The following VWDE variants were observed in gnomAD, a reference collection of about 807,000 sequenced individuals.
The protein encoded by VWDE is von Willebrand factor D and EGF domains.
In VWDE, 207 loss-of-function variants were observed where a neutral mutation model predicts 178.4. The ratio of observed to expected loss-of-function variants is 1.16; its 90% CI spans 1.04 to 1.30. VWDE has a LOEUF of 1.30. Ranked by LOEUF, VWDE falls within the 50% of genes most tolerant of loss-of-function variation. The pLI, the probability that VWDE is intolerant of heterozygous loss-of-function variation, is 0.00. For missense variants in VWDE, 2,287 were observed against 1,901.3 expected (o/e 1.20, Z -3.77); for synonymous variants, 738 against 651.4 (o/e 1.13, Z -2.02).
intron 24 of VWDE, among the ~76,000 whole-genome samples, chr7:12,338,887 A>G (rs1781178783): frequency 1.3e-5 from 2 of 152,174 alleles, no homozygotes; most frequent in Non-Finnish European, 2.9e-5. Flanking sequence ...TTCCTCTTTT[A>G]AAATTCTATA....
At chr7:12,399,776 G>A (rs1047479914) in intron 1 of VWDE, among the ~76,000 whole-genome samples, 8 of 151,932 alleles carry the variant, frequency 5.3e-5, no homozygotes, top group East Asian at 1.9e-4. Flanking sequence ...AAGCCCAGGA[G>A]TTCAAATCCA....
chr7:12,388,879 T>C, intron 3 of VWDE: 1 of 660,640 alleles, frequency 1.5e-6, no homozygotes, highest in Non-Finnish European at 2.9e-6. Flanking sequence ...ACTCAATCAT[T>C]ATGTCCAGTG....
chr7:12,334,931 T>C (rs943102323), intron 27 of VWDE, among the ~76,000 whole-genome samples: 10 of 152,178 alleles, frequency 6.6e-5, no homozygotes, highest in Admixed American at 2.0e-4. Flanking sequence ...TGAGCATACA[T>C]ATCTTATGTA....
chr7:12,360,896 G>A (rs1782539569), intron 15 of VWDE, among the ~76,000 whole-genome samples: 1 of 152,162 alleles, frequency 6.6e-6, no homozygotes, highest in African/African-American at 2.4e-5. Flanking sequence ...GAGTGAAGTA[G>A]TAAATAATTT....
chr7:12,341,372 G>A (rs574415337), intron 23 of VWDE, among the ~76,000 whole-genome samples: 1 of 152,134 alleles, frequency 6.6e-6, no homozygotes, highest in Non-Finnish European at 1.5e-5. Flanking sequence ...AGTGGCTCAC[G>A]CTTGTAATCC....
intron 19 of VWDE, among the ~76,000 whole-genome samples, chr7:12,345,173 T>C (rs959073774): frequency 3.9e-5 from 6 of 152,098 alleles, no homozygotes; most frequent in African/African-American, 1.4e-4. Flanking sequence ...TAATACTCTA[T>C]AATATTAACA....
intron 4 of VWDE, among the ~76,000 whole-genome samples, chr7:12,381,668 C>T (rs1457804395): frequency 4.6e-5 from 7 of 151,788 alleles, no homozygotes. Flanking sequence ...TTTTGCTAAG[C>T]ATTTTAAACA....
chr7:12,380,828 T>C, intron 4 of VWDE, 95 bp from the exon 5 acceptor site: 2 of 1,392,240 alleles, frequency 1.4e-6, no homozygotes, highest in Non-Finnish European at 1.9e-6. Flanking sequence ...CTGTGGTTTA[T>C]CTTAAGAAAA....
In VWDE at chr7:12,375,022, T is replaced by C. The variant is rs757735871; in HGVS notation, c.1230A>G (p.Pro410=). 4 of 1,551,060 alleles carry C rather than the reference T, an allele frequency of 2.6e-6. No individual in the cohort carries two copies. The highest frequency in any genetic ancestry group is 2.7e-5 in the African/African-American group (2 of 73,032). Residue 410 remains proline (P), a synonymous_variant, in exon 8 of 29, where the codon CCA becomes CCG. Coordinates refer to ENST00000275358, the MANE Select transcript of VWDE (RefSeq NM_001135924.3). ...NEDFLWNNYI[P]DSIQIKVKDV... ...GTAATTTGTCAACCTGGATGCTGTC[T>C]GGAATGTAGTTGTTCCACAGGAAAT...
chr7:12,391,058 T>C (rs1271278301), intron 2 of VWDE, among the ~76,000 whole-genome samples: 6 of 152,172 alleles, frequency 3.9e-5, no homozygotes, highest in Non-Finnish European at 7.4e-5. Flanking sequence ...GAAAATGAAT[T>C]TATAATAATA....
intron 28 of VWDE, among the ~76,000 whole-genome samples, chr7:12,331,461 A>T (rs1780716723): frequency 6.6e-6 from 1 of 152,160 alleles, no homozygotes; most frequent in African/African-American, 2.4e-5. Context: ...TCCATGCCCA[A>T]TAAAACTAAT....
At chr7:12,332,838 G>T (rs1156505571) in intron 28 of VWDE, among the ~76,000 whole-genome samples, 1 of 152,036 alleles carries the variant, frequency 6.6e-6, no homozygotes, top group African/African-American at 2.4e-5. Flanking sequence ...GTCAAATTCT[G>T]GTACTCCAGC....
intron 27 of VWDE, 127 bp downstream of exon 27, chr7:12,336,013 AT>A: frequency 1.3e-6 from 1 of 769,646 alleles, no homozygotes; most frequent in South Asian, 1.9e-5. Flanking sequence ...ATCTAAAATC[AT>A]TTTTTAAAAA....
chr7:12,361,592 A>C, intron 13 of VWDE, 71 bp from the exon 14 acceptor site: 1 of 1,369,508 alleles, frequency 7.3e-7, no homozygotes, highest in Non-Finnish European at 9.7e-7. Context: ...AATTACATAT[A>C]ATGAAAACAT....
chr7:12,393,506 G>T, intron 2 of VWDE, 88 bp downstream of exon 2: 2 of 1,141,452 alleles, frequency 1.8e-6, no homozygotes, highest in Non-Finnish European at 2.4e-6. Flanking sequence ...ATTTTAGCAT[G>T]AGAAATAAGC....
At chr7:12,338,434 T>C (rs1042240237) in intron 24 of VWDE, among the ~76,000 whole-genome samples, 2 of 151,978 alleles carry the variant, frequency 1.3e-5, no homozygotes, top group Admixed American at 1.3e-4. Context: ...AAAAACTCCA[T>C]ATAAAATGCC....
intron 16 of VWDE, among the ~76,000 whole-genome samples, chr7:12,358,676 A>T (rs1047108822): frequency 6.6e-6 from 1 of 152,172 alleles, no homozygotes; most frequent in Admixed American, 6.5e-5. Context: ...AATATGAGAG[A>T]TTTAAAAGAC....
chr7:12,349,889 T>A (rs1174379072), intron 19 of VWDE, among the ~76,000 whole-genome samples: 1 of 152,062 alleles, frequency 6.6e-6, no homozygotes, highest in East Asian at 1.9e-4. Flanking sequence ...CTACATGTAA[T>A]TGTATACAAG....
chr7:12,385,357 C>T (rs1484366567), intron 3 of VWDE, among the ~76,000 whole-genome samples: 1 of 152,118 alleles, frequency 6.6e-6, no homozygotes, highest in Non-Finnish European at 1.5e-5. Flanking sequence ...TCACAGACTG[C>T]CTTCGAAGAT....
Sources: gnomAD v4.1 joint callset for allele counts (sites outside exome capture counted in the v4.1 genomes callset) on GRCh38, gnomAD v4.1.1 for gene constraint, MANE v1.5 for transcripts, NCBI Gene and HGNC (gene_info 2026-07-23, HGNC 2026-07-21) for gene names.